Variants in HS6ST3 observed in about 807,000 individuals in gnomAD.
HS6ST3 encodes the protein heparan-sulfate 6-O-sulfotransferase 3.
HS6ST3 carries 12 observed loss-of-function variants against 36.7 expected under a neutral mutation model. The observed-to-expected ratio is 0.33, with a 90% confidence interval of 0.21 to 0.53. The LOEUF (loss-of-function observed/expected upper bound fraction) is 0.53, where lower values mean the gene tolerates loss of function less well. Among genes scored for constraint, HS6ST3 ranks in the 20% least tolerant of loss-of-function variants. HS6ST3 has a pLI of 0.95. For missense variants in HS6ST3, 584 were observed against 640.9 expected (o/e 0.91, Z 0.96); for synonymous variants, 240 against 257.5 (o/e 0.93, Z 0.65).
chr13:96,786,555 T>C (rs1877657691), intron 1 of HS6ST3, among the ~76,000 whole-genome samples: 1 of 152,152 alleles, frequency 6.6e-6, no homozygotes, highest in South Asian at 2.1e-4. Context: ...TGCCCCTAAA[T>C]CATGTATTTC....
chr13:96,468,477 T>TAC lies in HS6ST3; in HGVS notation c.708-363976_708-363975dup, dbSNP rs3051066. On this transcript the variant is annotated intron_variant, in intron 1 of 1. Transcript: ENST00000376705. ...TAACATTTAACAGGACATACACACA[T>TAC]ACACACACACACACACACACACACA... Among the ~76,000 whole-genome samples, 820 of 126,376 alleles carry TAC rather than the reference T, an allele frequency of 6.5e-3. 6 individuals are homozygous for TAC. Among genetic ancestry groups the TAC allele is most frequent in the African/African-American group, 0.012 (479 of 39,542 alleles). 82.9% of individuals were successfully genotyped at this position (126,376 alleles called of 152,430 possible).
intron 1 of HS6ST3, among the ~76,000 whole-genome samples, chr13:96,245,493 A>G (rs937075521): frequency 6.6e-6 from 1 of 152,232 alleles, no homozygotes; most frequent in Non-Finnish European, 1.5e-5. Flanking sequence ...GGTTCCAGCT[A>G]ATTTCCAGGG....
At chr13:96,657,397 T>C (rs1452517039) in intron 1 of HS6ST3, among the ~76,000 whole-genome samples, 1 of 151,910 alleles carries the variant, frequency 6.6e-6, no homozygotes, top group Non-Finnish European at 1.5e-5. Flanking sequence ...GGCACATACC[T>C]ATGGTCCTAG....
chr13:96,318,086 A>G (rs920630304), intron 1 of HS6ST3, among the ~76,000 whole-genome samples: 2 of 152,094 alleles, frequency 1.3e-5, no homozygotes, highest in African/African-American at 2.4e-5. Context: ...TGTTCTTATT[A>G]CAATTGCTTT....
intron 1 of HS6ST3, among the ~76,000 whole-genome samples, chr13:96,392,363 T>C (rs2055400095): frequency 6.6e-6 from 1 of 152,166 alleles, no homozygotes; most frequent in Non-Finnish European, 1.5e-5. Flanking sequence ...GGAAATGCAA[T>C]GATGAGTAGG....
At chr13:96,581,055 T>C (rs72642779) in intron 1 of HS6ST3, among the ~76,000 whole-genome samples, 1,620 of 152,284 alleles carry the variant, frequency 0.011, 21 homozygotes, top group African/African-American at 0.025. Context: ...TAAAAGAACT[T>C]GCTTAATTTC....
At chr13:96,334,837 T>G (rs2055092085) in intron 1 of HS6ST3, among the ~76,000 whole-genome samples, 1 of 152,178 alleles carries the variant, frequency 6.6e-6, no homozygotes, top group African/African-American at 2.4e-5. Flanking sequence ...AGCCAAACCG[T>G]TATCAACTAC....
chr13:96,402,765 C>G (rs538885132), intron 1 of HS6ST3, among the ~76,000 whole-genome samples: 5 of 152,306 alleles, frequency 3.3e-5, no homozygotes, highest in African/African-American at 1.2e-4. Flanking sequence ...CTTTTCATTG[C>G]TGAGTGGTGT....
intron 1 of HS6ST3, chr13:96,169,681 A>G (rs2054178207): frequency 6.6e-6 from 1 of 152,306 alleles, no homozygotes; most frequent in Non-Finnish European, 1.5e-5. Context: ...GTTTAGCATC[A>G]ATAGGATGAC....
intron 1 of HS6ST3, among the ~76,000 whole-genome samples, chr13:96,241,188 G>A (rs1479733265): frequency 6.6e-6 from 1 of 150,732 alleles, no homozygotes; most frequent in Non-Finnish European, 1.5e-5. Context: ...TAATAGAACT[G>A]TCAGCTGATC....
chr13:96,245,083 TTG>T (rs1413755542), intron 1 of HS6ST3, among the ~76,000 whole-genome samples: 6 of 152,320 alleles, frequency 3.9e-5, no homozygotes, highest in Admixed American at 3.9e-4. Context: ...GGCACTCATT[TTG>T]TGTGTCATTA....
chr13:96,199,966 G>A (rs563269159), intron 1 of HS6ST3, among the ~76,000 whole-genome samples: 28 of 152,118 alleles, frequency 1.8e-4, no homozygotes, highest in South Asian at 1.7e-3. Flanking sequence ...TTTCAGGAGC[G>A]GAAAAATATT....
intron 1 of HS6ST3, among the ~76,000 whole-genome samples, chr13:96,181,808 C>T (rs920810970): frequency 6.6e-6 from 1 of 152,116 alleles, no homozygotes; most frequent in African/African-American, 2.4e-5. Flanking sequence ...CTAAAAAGAG[C>T]GTTTTAATTT....
At chr13:96,489,869 T>C (rs528225735) in intron 1 of HS6ST3, among the ~76,000 whole-genome samples, 2 of 152,252 alleles carry the variant, frequency 1.3e-5, no homozygotes, top group Admixed American at 6.5e-5. Flanking sequence ...ATTCTTAAAA[T>C]GTCTTCTTCC....
intron 1 of HS6ST3, among the ~76,000 whole-genome samples, chr13:96,314,282 C>T (rs542402298): frequency 6.6e-6 from 1 of 152,188 alleles, no homozygotes; most frequent in East Asian, 1.9e-4. Context: ...TCAAGTTCAC[C>T]CAGATATGAA....
At chr13:96,228,125 C>T (rs1018252463) in intron 1 of HS6ST3, among the ~76,000 whole-genome samples, 4 of 152,122 alleles carry the variant, frequency 2.6e-5, no homozygotes, top group Non-Finnish European at 5.9e-5. Flanking sequence ...TTCTCTGTTG[C>T]AGCTACTAAA....
At chr13:96,106,250 C>G (rs1285147871) in intron 1 of HS6ST3, among the ~76,000 whole-genome samples, 2 of 152,108 alleles carry the variant, frequency 1.3e-5, no homozygotes, top group Non-Finnish European at 2.9e-5. Context: ...TGACTTGATT[C>G]TAATTAATAG....
chr13:96,531,010 C>CT (rs1270890284), intron 1 of HS6ST3, among the ~76,000 whole-genome samples: 4 of 152,110 alleles, frequency 2.6e-5, no homozygotes, highest in Non-Finnish European at 4.4e-5. Flanking sequence ...TTAGATCATT[C>CT]TTTTTTGCTT....
At chr13:96,529,375 A>C (rs1246362503) in intron 1 of HS6ST3, among the ~76,000 whole-genome samples, 2 of 152,166 alleles carry the variant, frequency 1.3e-5, no homozygotes, top group African/African-American at 4.8e-5. Flanking sequence ...GAATCAGGGT[A>C]GTCATGTTAG....
Sources: allele counts gnomAD v4.1 joint callset (sites outside exome capture counted in the v4.1 genomes callset), GRCh38; gene constraint gnomAD v4.1.1; transcripts MANE v1.5; gene names NCBI Gene and HGNC (gene_info 2026-07-23, HGNC 2026-07-21).